Variants in MAGI2 observed in about 807,000 individuals in gnomAD.
MAGI2 encodes membrane associated guanylate kinase, WW and PDZ domain containing 2.
MAGI2 carries 35 observed loss-of-function variants against 133.3 expected under a neutral mutation model. That is an observed-to-expected ratio of 0.26 (90% confidence interval 0.20 to 0.35). The LOEUF (loss-of-function observed/expected upper bound fraction) is 0.35, where lower values mean the gene tolerates loss of function less well. MAGI2 is among the 10% of genes least tolerant of loss of function. MAGI2 has a pLI of 1.00. For missense variants in MAGI2, 1,636 were observed against 1,863.4 expected (o/e 0.88, Z 2.25); for synonymous variants, 729 against 710.6 (o/e 1.03, Z -0.41).
At chr7:78,604,473 C>T (rs1261320777) in intron 3 of MAGI2, among the ~76,000 whole-genome samples, 1 of 152,146 alleles carries the variant, frequency 6.6e-6, no homozygotes, top group Non-Finnish European at 1.5e-5. Context: ...CCATTATCTC[C>T]CGTCCCAGAC....
intron 1 of MAGI2, among the ~76,000 whole-genome samples, chr7:79,236,054 A>G (rs982185214): frequency 6.6e-6 from 1 of 152,208 alleles, no homozygotes; most frequent in Non-Finnish European, 1.5e-5. Flanking sequence ...GCTATATTAT[A>G]TGGTGCTTGT....
chr7:78,552,199 T>C (rs1799398465), intron 3 of MAGI2, among the ~76,000 whole-genome samples: 2 of 149,004 alleles, frequency 1.3e-5, no homozygotes, highest in South Asian at 2.1e-4. Flanking sequence ...TTTTTTTTTT[T>C]TGAGACAGAG....
chr7:78,131,090 A>G (rs978283018), intron 18 of MAGI2, among the ~76,000 whole-genome samples: 3 of 152,196 alleles, frequency 2.0e-5, no homozygotes, highest in Non-Finnish European at 2.9e-5. Context: ...AAGAGTCTGA[A>G]GCTGGCTCGG....
At chr7:79,133,185 G>T (rs1821093454) in intron 1 of MAGI2, among the ~76,000 whole-genome samples, 1 of 152,046 alleles carries the variant, frequency 6.6e-6, no homozygotes, top group African/African-American at 2.4e-5. Context: ...TGTTTTTGTT[G>T]TGTTTGCTTT....
chr7:79,162,613 G>C (rs1711818389), intron 1 of MAGI2, among the ~76,000 whole-genome samples: 1 of 151,800 alleles, frequency 6.6e-6, no homozygotes, highest in South Asian at 2.1e-4. Flanking sequence ...CCAACCATAA[G>C]GAATTTTCTA....
chr7:79,132,663 T>A (rs1034200837), intron 1 of MAGI2, among the ~76,000 whole-genome samples: 2 of 152,070 alleles, frequency 1.3e-5, no homozygotes, highest in African/African-American at 4.8e-5. Context: ...TACCCAGGAG[T>A]GGGATTGCTA....
At chr7:78,476,882 TAA>T (rs57387572) in intron 6 of MAGI2, among the ~76,000 whole-genome samples, 94 of 150,878 alleles carry the variant, frequency 6.2e-4, no homozygotes, top group African/African-American at 1.3e-3. Context: ...TCTTCACTAG[TAA>T]AAAAAAAAAA....
At chr7:79,224,615 C>A (rs1427373043) in intron 1 of MAGI2, among the ~76,000 whole-genome samples, 1 of 152,044 alleles carries the variant, frequency 6.6e-6, no homozygotes, top group East Asian at 1.9e-4. Flanking sequence ...TTACATCCAT[C>A]AATGGAATAC....
intron 1 of MAGI2, among the ~76,000 whole-genome samples, chr7:79,370,464 T>G (rs1401229078): frequency 6.6e-6 from 1 of 152,126 alleles, no homozygotes; most frequent in African/African-American, 2.4e-5. Flanking sequence ...CATGTCTTAC[T>G]CATTTTGAAT....
chr7:78,468,484 T>C (rs1480219418), intron 6 of MAGI2, among the ~76,000 whole-genome samples: 1 of 152,142 alleles, frequency 6.6e-6, no homozygotes, highest in Non-Finnish European at 1.5e-5. Flanking sequence ...TATAAAGTCT[T>C]ATGGCTGTCA....
chr7:79,140,882 T>C (rs866112791), intron 1 of MAGI2, among the ~76,000 whole-genome samples: 14 of 152,284 alleles, frequency 9.2e-5, no homozygotes, highest in African/African-American at 3.4e-4. Flanking sequence ...TCCTTTATTG[T>C]TTTTGGCAAT....
intron 2 of MAGI2, among the ~76,000 whole-genome samples, chr7:78,841,080 T>C (rs1792105873): frequency 6.6e-6 from 1 of 151,996 alleles, no homozygotes; most frequent in East Asian, 1.9e-4. Flanking sequence ...AATAGTTCTC[T>C]ATGACACCAT....
intron 2 of MAGI2, among the ~76,000 whole-genome samples, chr7:78,851,883 A>C (rs1355172306): frequency 2.0e-5 from 3 of 152,146 alleles, no homozygotes; most frequent in Non-Finnish European, 2.9e-5. Context: ...TAGATATACA[A>C]ATTTTCACAT....
At chr7:78,082,366 A>G (rs568613579) in intron 20 of MAGI2, among the ~76,000 whole-genome samples, 1 of 152,256 alleles carries the variant, frequency 6.6e-6, no homozygotes, top group South Asian at 2.1e-4. Context: ...GGGCTGCGTA[A>G]GGGCTGAGCT....
At chr7:78,068,825 C>CA (rs1814131380) in intron 21 of MAGI2, among the ~76,000 whole-genome samples, 1 of 152,158 alleles carries the variant, frequency 6.6e-6, no homozygotes, top group East Asian at 1.9e-4. Context: ...TCTTAAGATA[C>CA]TGGACTGTAC....
chr7:79,012,862 C>A (rs1808307749), intron 1 of MAGI2, among the ~76,000 whole-genome samples: 1 of 152,172 alleles, frequency 6.6e-6, no homozygotes, highest in Non-Finnish European at 1.5e-5. Flanking sequence ...CTGGTAAGGG[C>A]ACTCTTCCCG....
intron 2 of MAGI2, among the ~76,000 whole-genome samples, chr7:78,988,867 G>A (rs1584593422): frequency 1.3e-5 from 2 of 151,926 alleles, no homozygotes; most frequent in African/African-American, 2.4e-5. Flanking sequence ...AGCGCTAGGA[G>A]GAAAAATAAG....
intron 6 of MAGI2, among the ~76,000 whole-genome samples, chr7:78,374,321 G>C (rs1335774273): frequency 6.6e-6 from 1 of 151,986 alleles, no homozygotes; most frequent in African/African-American, 2.4e-5. Context: ...TTAGTGATAT[G>C]GAATATCTTT....
At chr7:78,849,363 A>T (rs967799693) in intron 2 of MAGI2, among the ~76,000 whole-genome samples, 3 of 152,020 alleles carry the variant, frequency 2.0e-5, no homozygotes, top group Non-Finnish European at 4.4e-5. Context: ...CCAACCACCC[A>T]AACAAAAATC....
Sources: gnomAD v4.1 joint callset for allele counts (sites outside exome capture counted in the v4.1 genomes callset) on GRCh38, gnomAD v4.1.1 for gene constraint, MANE v1.5 for transcripts, NCBI Gene and HGNC (gene_info 2026-07-23, HGNC 2026-07-21) for gene names.